Variants in QTMAN observed in about 807,000 individuals in gnomAD.
QTMAN encodes queuosine-tRNA mannosyltransferase.
chr2:144,161,158 T>C, the QTMAN span, among the ~76,000 whole-genome samples: 20 of 152,180 alleles, frequency 1.3e-4, no homozygotes, highest in Admixed American at 2.6e-4. Context: ...CACTCCATTG[T>C]CATGTTCTAC....
the QTMAN span, among the ~76,000 whole-genome samples, chr2:144,063,113 G>A: frequency 6.6e-6 from 1 of 152,184 alleles, no homozygotes; most frequent in South Asian, 2.1e-4. Flanking sequence ...CTGTTACGAT[G>A]TAAGACTGGA....
chr2:144,138,242 C>A, the QTMAN span, among the ~76,000 whole-genome samples: 1 of 151,990 alleles, frequency 6.6e-6, no homozygotes, highest in African/African-American at 2.4e-5. Context: ...GGACTACGAA[C>A]TGACCACAGG....
At chr2:143,997,526 T>C in the QTMAN span, among the ~76,000 whole-genome samples, 1 of 152,114 alleles carries the variant, frequency 6.6e-6, no homozygotes, top group African/African-American at 2.4e-5. Context: ...GGTGAGGTAT[T>C]AGCAAAGCTT....
chr2:144,112,992 A>C, the QTMAN span, among the ~76,000 whole-genome samples: 1 of 152,122 alleles, frequency 6.6e-6, no homozygotes, highest in East Asian at 1.9e-4. Flanking sequence ...CTGTAAAAAA[A>C]CCCTCAAAAC....
At chr2:143,974,690 T>C in the QTMAN span, among the ~76,000 whole-genome samples, 3 of 152,142 alleles carry the variant, frequency 2.0e-5, no homozygotes, top group African/African-American at 7.2e-5. Flanking sequence ...GGGGTTGTTA[T>C]GTTTCTTTCT....
At chr2:144,127,873 C>T in the QTMAN span, 1 of 152,172 alleles carries the variant, frequency 6.6e-6, no homozygotes, top group African/African-American at 2.4e-5. Context: ...CCCTGTACCA[C>T]ATTATAACAC....
chr2:144,163,059 A>T, the QTMAN span, among the ~76,000 whole-genome samples: 1 of 152,214 alleles, frequency 6.6e-6, no homozygotes, highest in African/African-American at 2.4e-5. Flanking sequence ...TATCCAAAAG[A>T]CAAAATTTTA....
chr2:144,244,203 A>C, the QTMAN span, among the ~76,000 whole-genome samples: 28 of 152,364 alleles, frequency 1.8e-4, no homozygotes, highest in Admixed American at 5.9e-4. Context: ...GAATGGGCAT[A>C]AACAACTCCA....
chr2:144,155,650 A>G, the QTMAN span, among the ~76,000 whole-genome samples: 1 of 152,170 alleles, frequency 6.6e-6, no homozygotes, highest in African/African-American at 2.4e-5. Flanking sequence ...ATCCGACCCT[A>G]TCAGTGTAGT....
chr2:144,278,539 T>C, the QTMAN span, among the ~76,000 whole-genome samples: 2 of 150,074 alleles, frequency 1.3e-5, no homozygotes, highest in Non-Finnish European at 3.0e-5. Flanking sequence ...AGTGTTTTCC[T>C]TCTTTTTTTT....
At chr2:144,076,492 T>C in the QTMAN span, among the ~76,000 whole-genome samples, 1 of 152,096 alleles carries the variant, frequency 6.6e-6, no homozygotes, top group African/African-American at 2.4e-5. Context: ...GAATGATAAA[T>C]TGATGCCACA....
the QTMAN span, among the ~76,000 whole-genome samples, chr2:144,021,247 C>T: frequency 0.045 from 6,800 of 152,166 alleles, 257 homozygotes; most frequent in East Asian, 0.17. Flanking sequence ...AAGTCACATG[C>T]AAGGAGTCAG....
chr2:144,057,241 T>C, the QTMAN span, among the ~76,000 whole-genome samples: 1 of 152,210 alleles, frequency 6.6e-6, no homozygotes, highest in African/African-American at 2.4e-5. Context: ...ATTATAAAAC[T>C]CACTTTTAAT....
the QTMAN span, chr2:144,145,581 A>G: frequency 1.2e-6 from 2 of 1,607,432 alleles, no homozygotes; most frequent in Non-Finnish European, 1.7e-6. Context: ...CCATGAAAGA[A>G]TTTGGTTGTA....
the QTMAN span, among the ~76,000 whole-genome samples, chr2:143,989,245 ATAATT>A: frequency 2.0e-5 from 3 of 151,730 alleles, no homozygotes; most frequent in African/African-American, 4.8e-5. Context: ...TTAATGTAAT[ATAATT>A]TAATATAATT....
At chr2:144,116,497 G>T in the QTMAN span, among the ~76,000 whole-genome samples, 1 of 151,912 alleles carries the variant, frequency 6.6e-6, no homozygotes, top group Non-Finnish European at 1.5e-5. Context: ...TTAAAATGTG[G>T]GGCTTATTCA....
the QTMAN span, among the ~76,000 whole-genome samples, chr2:144,235,113 T>C: frequency 4.6e-5 from 7 of 152,158 alleles, no homozygotes; most frequent in East Asian, 7.7e-4. Flanking sequence ...GGGACACTGA[T>C]AGTTGCAGGC....
chr2:144,037,685 T>A, the QTMAN span, among the ~76,000 whole-genome samples: 1 of 152,214 alleles, frequency 6.6e-6, no homozygotes, highest in Admixed American at 6.5e-5. Context: ...TATCTCAAAA[T>A]ATAGTAAAGT....
At chr2:144,060,422 A>G in the QTMAN span, among the ~76,000 whole-genome samples, 2 of 152,074 alleles carry the variant, frequency 1.3e-5, no homozygotes, top group Non-Finnish European at 2.9e-5. Context: ...CACCACGCCC[A>G]GCTAATTTTT....
Sources: allele counts gnomAD v4.1 joint callset (sites outside exome capture counted in the v4.1 genomes callset), GRCh38; gene constraint gnomAD v4.1.1; transcripts MANE v1.5; gene names NCBI Gene and HGNC (gene_info 2026-07-23, HGNC 2026-07-21).